Variants in ERBB4 observed in about 807,000 individuals in gnomAD.
ERBB4 encodes the protein erb-b2 receptor tyrosine kinase 4, also known as receptor tyrosine-protein kinase erbB-4.
In ERBB4, 42 loss-of-function variants were observed where a neutral mutation model predicts 158.0. That is an observed-to-expected ratio of 0.27 (90% CI 0.21 to 0.34). The LOEUF (loss-of-function observed/expected upper bound fraction) is 0.34, where lower values mean the gene tolerates loss of function less well. ERBB4 is among the 10% of genes least tolerant of loss of function. The probability of loss-of-function intolerance (pLI) is 1.00; values close to 1 mark genes in which losing one functional copy is unlikely to be tolerated. For missense variants in ERBB4, 1,333 were observed against 1,624.1 expected (o/e 0.82, Z 3.08); for synonymous variants, 583 against 558.7 (o/e 1.04, Z -0.61).
At chr2:211,855,616 T>C (rs2077837475) in intron 3 of ERBB4, among the ~76,000 whole-genome samples, 2 of 152,162 alleles carry the variant, frequency 1.3e-5, no homozygotes, top group African/African-American at 4.8e-5. Context: ...AATTCTTTCA[T>C]AAAGACTCCC....
chr2:211,511,176 A>G (rs1282086500), intron 20 of ERBB4, among the ~76,000 whole-genome samples: 1 of 151,796 alleles, frequency 6.6e-6, no homozygotes, highest in Non-Finnish European at 1.5e-5. Context: ...TGTAATTTAA[A>G]TGTGACATTA....
intron 25 of ERBB4, among the ~76,000 whole-genome samples, chr2:211,412,550 C>T (rs1027921883): frequency 5.9e-5 from 9 of 152,332 alleles, no homozygotes; most frequent in African/African-American, 2.2e-4. Context: ...AATATTAACT[C>T]TTTGATGGCA....
At chr2:211,536,044 A>G (rs2066642703) in intron 20 of ERBB4, among the ~76,000 whole-genome samples, 1 of 152,032 alleles carries the variant, frequency 6.6e-6, no homozygotes, top group Admixed American at 6.6e-5. Context: ...GGTCTAGGCC[A>G]TATTTAATAT....
chr2:212,216,434 C>T (rs539393947), intron 1 of ERBB4, among the ~76,000 whole-genome samples: 170 of 151,306 alleles, frequency 1.1e-3, no homozygotes, highest in African/African-American at 4.0e-3. Flanking sequence ...AATGATTTTA[C>T]ATCTTTATGC....
At chr2:211,846,427 A>G (rs1387055739) in intron 3 of ERBB4, among the ~76,000 whole-genome samples, 2 of 152,128 alleles carry the variant, frequency 1.3e-5, no homozygotes, top group Non-Finnish European at 2.9e-5. Context: ...TTTATTATAA[A>G]GCAATATTTT....
At chr2:211,658,181 T>C (rs2071289655) in intron 15 of ERBB4, among the ~76,000 whole-genome samples, 1 of 152,208 alleles carries the variant, frequency 6.6e-6, no homozygotes, top group South Asian at 2.1e-4. Flanking sequence ...ATCAACTAAG[T>C]GGGATGCAAA....
At chr2:211,993,412 C>T (rs12694256) in intron 2 of ERBB4, among the ~76,000 whole-genome samples, 115,362 of 151,998 alleles carry the variant, frequency 0.76, 45,186 homozygotes, top group Non-Finnish European at 0.87. Context: ...TCTAGAACTT[C>T]GAGAAAATAA....
At chr2:212,424,680 C>G (rs1383596521) in intron 1 of ERBB4, among the ~76,000 whole-genome samples, 1 of 152,048 alleles carries the variant, frequency 6.6e-6, no homozygotes. Flanking sequence ...TCAGATAAAA[C>G]TAGATTACCC....
chr2:212,218,955 AT>A (rs927198165), intron 1 of ERBB4, among the ~76,000 whole-genome samples: 20 of 148,616 alleles, frequency 1.3e-4, no homozygotes, highest in South Asian at 6.3e-4. Context: ...TGTATATGCC[AT>A]TTTTTTTTTA....
intron 12 of ERBB4, among the ~76,000 whole-genome samples, chr2:211,683,092 T>G (rs144368955): frequency 2.0e-5 from 3 of 151,394 alleles, no homozygotes; most frequent in African/African-American, 7.3e-5. Flanking sequence ...GTTTATAATA[T>G]AAATATTTTA....
intron 20 of ERBB4, among the ~76,000 whole-genome samples, chr2:211,526,648 G>C (rs2066356904): frequency 6.6e-6 from 1 of 152,124 alleles, no homozygotes; most frequent in South Asian, 2.1e-4. Flanking sequence ...ATTTCAGAGA[G>C]AGAATTCAAA....
chr2:211,657,251 G>T (rs1041560230), intron 16 of ERBB4, among the ~76,000 whole-genome samples: 4 of 151,596 alleles, frequency 2.6e-5, no homozygotes, highest in Admixed American at 2.0e-4. Flanking sequence ...GCTCACACTT[G>T]TAATCCCAGT....
chr2:212,340,356 T>C (rs903069523), intron 1 of ERBB4, among the ~76,000 whole-genome samples: 5 of 152,158 alleles, frequency 3.3e-5, no homozygotes, highest in Non-Finnish European at 7.4e-5. Flanking sequence ...CAGGATGAGT[T>C]AAGCGCATTA....
chr2:211,802,462 T>C (rs958499016), intron 3 of ERBB4, among the ~76,000 whole-genome samples: 1 of 152,190 alleles, frequency 6.6e-6, no homozygotes, highest in African/African-American at 2.4e-5. Flanking sequence ...TCATTTTACT[T>C]TGAAGTTCAG....
At chr2:212,287,038 C>T (rs1480192380) in intron 1 of ERBB4, among the ~76,000 whole-genome samples, 1 of 151,670 alleles carries the variant, frequency 6.6e-6, no homozygotes, top group East Asian at 1.9e-4. Flanking sequence ...CCATAAACAA[C>T]GCGCTGACAC....
intron 4 of ERBB4, among the ~76,000 whole-genome samples, chr2:211,773,193 C>T (rs574300186): frequency 3.5e-4 from 52 of 150,688 alleles, no homozygotes; most frequent in African/African-American, 1.2e-3. Context: ...GTAGCAGAGG[C>T]TGGGAGGTTG....
chr2:211,533,778 T>G (rs1397736279), intron 20 of ERBB4, among the ~76,000 whole-genome samples: 1 of 152,126 alleles, frequency 6.6e-6, no homozygotes, highest in South Asian at 2.1e-4. Context: ...TATTTGTATT[T>G]TCTTTTAAAT....
intron 20 of ERBB4, among the ~76,000 whole-genome samples, chr2:211,482,674 G>C (rs942680214): frequency 3.3e-5 from 5 of 152,202 alleles, no homozygotes; most frequent in Non-Finnish European, 5.9e-5. Context: ...GGGAGGCCAA[G>C]ATAGGCGGAT....
intron 19 of ERBB4, 142 bp from the exon 20 acceptor site, chr2:211,562,230 T>G (rs2067416188): frequency 1.4e-6 from 1 of 717,614 alleles, no homozygotes; most frequent in African/African-American, 1.8e-5. Flanking sequence ...AGACATAATT[T>G]CAGTTATTCT....
Sources: gnomAD v4.1 joint callset for allele counts (sites outside exome capture counted in the v4.1 genomes callset) on GRCh38, gnomAD v4.1.1 for gene constraint, MANE v1.5 for transcripts, NCBI Gene and HGNC (gene_info 2026-07-23, HGNC 2026-07-21) for gene names.